Variants in MYO1D observed in about 807,000 individuals in gnomAD.
MYO1D encodes the protein unconventional myosin-Id.
A neutral mutation model predicts 122.0 loss-of-function variants in MYO1D; 83 were observed. The ratio of observed to expected loss-of-function variants is 0.68; its 90% CI spans 0.57 to 0.82. MYO1D has a LOEUF of 0.82. Among genes scored for constraint, MYO1D ranks in the 40% least tolerant of loss-of-function variants. MYO1D has a pLI of 0.00. For missense variants in MYO1D, 1,157 were observed against 1,269.5 expected (o/e 0.91, Z 1.35); for synonymous variants, 464 against 446.9 (o/e 1.04, Z -0.48).
intron 14 of MYO1D, among the ~76,000 whole-genome samples, chr17:32,727,339 G>C (rs1277372288): frequency 6.6e-6 from 1 of 152,208 alleles, no homozygotes; most frequent in African/African-American, 2.4e-5. Context: ...ATATCTCTTA[G>C]AACAGCTCAG....
chr17:32,522,149 A>G (rs1910169592), intron 21 of MYO1D, among the ~76,000 whole-genome samples: 1 of 152,060 alleles, frequency 6.6e-6, no homozygotes, highest in South Asian at 2.1e-4. Flanking sequence ...ATTCAGGTCG[A>G]ATAAAATTTA....
intron 14 of MYO1D, among the ~76,000 whole-genome samples, chr17:32,732,241 G>T (rs1235259340): frequency 6.6e-6 from 1 of 152,222 alleles, no homozygotes; most frequent in Non-Finnish European, 1.5e-5. Flanking sequence ...GAGGCAGACA[G>T]GTGCCTGGGC....
intron 21 of MYO1D, among the ~76,000 whole-genome samples, chr17:32,586,085 C>CT (rs1208365685): frequency 6.6e-6 from 1 of 152,156 alleles, no homozygotes; most frequent in Non-Finnish European, 1.5e-5. Flanking sequence ...TAGAACAAAC[C>CT]TTTCCCCATT....
At chr17:32,581,732 C>T (rs1190250070) in intron 21 of MYO1D, among the ~76,000 whole-genome samples, 1 of 144,596 alleles carries the variant, frequency 6.9e-6, no homozygotes, top group Non-Finnish European at 1.5e-5. Flanking sequence ...ACCATCATAC[C>T]TGGCTAATTT....
chr17:32,642,844 T>C (rs2088224210), intron 19 of MYO1D, among the ~76,000 whole-genome samples: 1 of 152,220 alleles, frequency 6.6e-6, no homozygotes, highest in Non-Finnish European at 1.5e-5. Flanking sequence ...TGGGGTTTTC[T>C]AGATATACAA....
At chr17:32,593,537 T>A (rs1352679968) in intron 21 of MYO1D, among the ~76,000 whole-genome samples, 2 of 152,192 alleles carry the variant, frequency 1.3e-5, no homozygotes, top group Non-Finnish European at 2.9e-5. Flanking sequence ...GAATCCTAAT[T>A]TTTGTTCCTT....
At chr17:32,787,838 C>T (rs2090313562) in intron 1 of MYO1D, among the ~76,000 whole-genome samples, 1 of 152,188 alleles carries the variant, frequency 6.6e-6, no homozygotes. Context: ...CAAATGAGAA[C>T]ATATGATATT....
chr17:32,778,931 A>C (rs894401778), intron 2 of MYO1D, among the ~76,000 whole-genome samples: 3 of 152,230 alleles, frequency 2.0e-5, no homozygotes, highest in African/African-American at 7.2e-5. Flanking sequence ...TGAGTCAAAC[A>C]GTGGTTACAA....
At chr17:32,864,809 G>A (rs2091110232) in intron 1 of MYO1D, among the ~76,000 whole-genome samples, 1 of 152,184 alleles carries the variant, frequency 6.6e-6, no homozygotes, top group South Asian at 2.1e-4. Flanking sequence ...TTCCGTGATA[G>A]AGGTGAAAGT....
In MYO1D at chr17:32,776,614, C is replaced by T. The variant is rs146396192; in HGVS notation, c.399-585G>A. On this transcript the variant is annotated intron_variant, in intron 3 of 21. Transcript: ENST00000318217. ...CTGAAAAGGGAAAGAATAGGTGATA[C>T]AGAAAATGATACAATTTTTAAGGCA... Among the ~76,000 whole-genome samples the T allele has an allele frequency of 2.0e-5, 3 of 152,208 alleles. No individual in the cohort carries two copies. The East Asian group carries it at 5.8e-4, about 29-fold the overall frequency.
chr17:32,537,455 T>C (rs1910696281), intron 21 of MYO1D, among the ~76,000 whole-genome samples: 1 of 152,214 alleles, frequency 6.6e-6, no homozygotes, highest in African/African-American at 2.4e-5. Flanking sequence ...TCTGGCTCTT[T>C]ACAGAAAAAA....
At chr17:32,537,837 A>C (rs1910707987) in intron 21 of MYO1D, among the ~76,000 whole-genome samples, 2 of 152,226 alleles carry the variant, frequency 1.3e-5, no homozygotes, top group African/African-American at 2.4e-5. Context: ...AAAACAATAT[A>C]AATATTAATA....
At chr17:32,756,482 A>G (rs1267762871) in intron 10 of MYO1D, among the ~76,000 whole-genome samples, 1 of 152,124 alleles carries the variant, frequency 6.6e-6, no homozygotes. Context: ...TTATGTGTAC[A>G]GGATAATGCC....
At chr17:32,868,828 C>G (rs1295333790) in intron 1 of MYO1D, among the ~76,000 whole-genome samples, 1 of 152,166 alleles carries the variant, frequency 6.6e-6, no homozygotes, top group Non-Finnish European at 1.5e-5. Flanking sequence ...AGCCTGTGCT[C>G]TTTCCATGAT....
intron 20 of MYO1D, among the ~76,000 whole-genome samples, chr17:32,617,747 T>C (rs2087793452): frequency 6.6e-6 from 1 of 152,200 alleles, no homozygotes; most frequent in Admixed American, 6.5e-5. Context: ...GGCCCACCTA[T>C]TCTGAATCAC....
intron 20 of MYO1D, among the ~76,000 whole-genome samples, chr17:32,607,015 C>A (rs1198963293): frequency 6.6e-6 from 1 of 152,026 alleles, no homozygotes; most frequent in Non-Finnish European, 1.5e-5. Flanking sequence ...CAAAAATTAG[C>A]CAGGTGTGGT....
chr17:32,526,857 C>T (rs1910359942), intron 21 of MYO1D, among the ~76,000 whole-genome samples: 1 of 152,178 alleles, frequency 6.6e-6, no homozygotes, highest in African/African-American at 2.4e-5. Context: ...GAATAGGTTT[C>T]CAACCATGAA....
intron 1 of MYO1D, among the ~76,000 whole-genome samples, chr17:32,798,415 C>G (rs1052920990): frequency 2.4e-4 from 37 of 152,218 alleles, no homozygotes; most frequent in African/African-American, 8.2e-4. Flanking sequence ...TTAAGTTTAC[C>G]TTTTTTTAAA....
chr17:32,653,356 C>A (rs376979533), intron 19 of MYO1D, among the ~76,000 whole-genome samples: 3 of 151,400 alleles, frequency 2.0e-5, no homozygotes, highest in Non-Finnish European at 4.4e-5. Flanking sequence ...CCTGGAATCC[C>A]AGCACTTTAG....
Sources: gnomAD v4.1 joint callset for allele counts (sites outside exome capture counted in the v4.1 genomes callset) on GRCh38, gnomAD v4.1.1 for gene constraint, MANE v1.5 for transcripts, NCBI Gene and HGNC (gene_info 2026-07-23, HGNC 2026-07-21) for gene names.